The following SLC6A6 variants were observed in gnomAD, a reference collection of about 807,000 sequenced individuals.
The protein encoded by SLC6A6 is sodium- and chloride-dependent taurine transporter.
A neutral mutation model predicts 68.8 loss-of-function variants in SLC6A6; 16 were observed. The ratio of observed to expected loss-of-function variants is 0.23; its 90% CI spans 0.16 to 0.35. The LOEUF (loss-of-function observed/expected upper bound fraction) is 0.35, where lower values mean the gene tolerates loss of function less well. Among genes scored for constraint, SLC6A6 ranks in the 10% least tolerant of loss-of-function variants. The pLI, the probability that SLC6A6 is intolerant of heterozygous loss-of-function variation, is 1.00. For synonymous variants in SLC6A6, 312 were observed against 315.4 expected, an observed-to-expected ratio of 0.99 and a Z score of 0.12; for missense variants, 474 against 802.8, an observed-to-expected ratio of 0.59 and a Z score of 4.95.
At position 14,447,799 on chromosome 3, in the gene SLC6A6, T is replaced by A. The variant is rs1445791189; in HGVS notation, c.582T>A (p.Pro194=). The change falls in exon 5 of 15, where the codon CCT becomes CCA. Residue 194 remains proline, a synonymous_variant. Transcript: ENST00000622186. The part of the protein sequence containing the change: ...ITISSTNFTS[P]VIEFWERNVL... ...TCAGCTCCACCAACTTCACCTCCCC[T>A]GTCATCGAGTTCTGGGAGTAAGGCC... is the stretch of plus-strand genomic sequence containing the variant. 1 of 1,614,160 alleles carries A rather than the reference T, an allele frequency of 6.2e-7. No individual in the cohort carries two copies. The highest frequency in any genetic ancestry group is 1.7e-5 in the Admixed American group (1 of 60,020).
chr3:14,428,702 G>A (rs1168922680), intron 2 of SLC6A6, among the ~76,000 whole-genome samples: 2 of 152,188 alleles, frequency 1.3e-5, no homozygotes, highest in African/African-American at 4.8e-5. Flanking sequence ...TCTCCTGAGA[G>A]CAGTTCTGAA....
chr3:14,469,311 G>A (rs1031713850), intron 9 of SLC6A6, among the ~76,000 whole-genome samples: 8 of 152,090 alleles, frequency 5.3e-5, no homozygotes, highest in African/African-American at 1.9e-4. Context: ...CCAAGCCGAA[G>A]GGAGAGCGTG....
intron 5 of SLC6A6, among the ~76,000 whole-genome samples, chr3:14,449,058 T>A (rs539582333): frequency 6.6e-6 from 1 of 152,334 alleles, no homozygotes; most frequent in East Asian, 1.9e-4. Flanking sequence ...TTTCAAGGTG[T>A]TTACCCACCT....
intron 5 of SLC6A6, among the ~76,000 whole-genome samples, chr3:14,453,275 G>T (rs1026812771): frequency 1.2e-4 from 19 of 152,170 alleles, no homozygotes; most frequent in African/African-American, 4.1e-4. Flanking sequence ...GTTCTTTTTT[G>T]GATCCCACCC....
Position 14,445,250 on chromosome 3 carries a change from G to A in SLC6A6, c.230-467G>A, listed in dbSNP as rs575855799. On this transcript the variant is annotated intron_variant, in intron 3 of 14. Coordinates refer to ENST00000622186, the MANE Select transcript of SLC6A6 (RefSeq NM_003043.6). Reference sequence around the variant, plus strand: ...ATCCTGACTAACATGGTGAAACCCTGTCTCTACTAAAAAACAAAAAATTAG... The same window carrying A: ...ATCCTGACTAACATGGTGAAACCCTATCTCTACTAAAAAACAAAAAATTAG... Among the ~76,000 whole-genome samples the A allele has an allele frequency of 5.0e-5, 6 of 118,894 alleles. No individual in the cohort carries two copies. The East Asian group carries it at 1.2e-3, about 24-fold the overall frequency. 78.0% of individuals were successfully genotyped at this position (118,894 alleles called of 152,430 possible). A position where few individuals can be genotyped will look rare whatever the true frequency, so the allele number is the denominator to read the frequency against.
intron 2 of SLC6A6, among the ~76,000 whole-genome samples, chr3:14,418,982 G>A (rs1699427034): frequency 6.6e-6 from 1 of 152,190 alleles, no homozygotes; most frequent in South Asian, 2.1e-4. Flanking sequence ...AGTAGTCAAA[G>A]CACCTGGGAA....
intron 5 of SLC6A6, among the ~76,000 whole-genome samples, chr3:14,455,956 G>A (rs1249758507): frequency 6.6e-6 from 1 of 152,208 alleles, no homozygotes; most frequent in Non-Finnish European, 1.5e-5. Context: ...TGAAGAGATT[G>A]TTAAAATTTA....
At chr3:14,419,043 G>C (rs1051712289) in intron 2 of SLC6A6, among the ~76,000 whole-genome samples, 10 of 152,232 alleles carry the variant, frequency 6.6e-5, no homozygotes, top group African/African-American at 1.9e-4. Context: ...CTTCCAGATA[G>C]AGTCTTGTGC....
Position 14,450,594 on chromosome 3 carries a change from T to C in SLC6A6, c.599+2778T>C, listed in dbSNP as rs1700231796. ...ATTCACAAATAAGCTGCCCTCTTTC[T>C]AGAACCCTGGGGAAGATTGAGGGCC... is the stretch of plus-strand genomic sequence containing the variant. On this transcript the variant is annotated intron_variant, in intron 5 of 14. Transcript: ENST00000622186. The surrounding 1 kb of genome is among the most constrained non-coding windows in gnomAD (Gnocchi z 4.1). Among the ~76,000 whole-genome samples, 1 of 152,122 alleles carries C rather than the reference T, an allele frequency of 6.6e-6. No homozygotes were observed.
intron 2 of SLC6A6, among the ~76,000 whole-genome samples, chr3:14,442,498 G>A (rs1357247501): frequency 1.3e-5 from 2 of 152,214 alleles, no homozygotes; most frequent in African/African-American, 4.8e-5. Context: ...TCACGCTGTG[G>A]GCTAGAAATC....
intron 2 of SLC6A6, among the ~76,000 whole-genome samples, chr3:14,422,085 T>C (rs1193574618): frequency 6.6e-6 from 1 of 152,140 alleles, no homozygotes; most frequent in African/African-American, 2.4e-5. Flanking sequence ...CTGGAAGGCA[T>C]TTCCATCTGT....
chr3:14,421,658 C>T (rs563465895), intron 2 of SLC6A6, among the ~76,000 whole-genome samples: 2 of 152,366 alleles, frequency 1.3e-5, no homozygotes, highest in African/African-American at 4.8e-5. Flanking sequence ...CTGCAGCCCT[C>T]TACAGTTTGC....
At position 14,466,519 on chromosome 3, in the gene SLC6A6, G is replaced by A. The variant is rs1375781532; in HGVS notation, c.736G>A (p.Val246Ile). The A allele has an allele frequency of 3.1e-6, 5 of 1,610,894 alleles. No individual in the cohort carries two copies. Among genetic ancestry groups the A allele is most frequent in the Non-Finnish European group, 4.2e-6 (5 of 1,178,046 alleles). The change falls in exon 7 of 15, where the codon GTC becomes ATC. Residue 246 changes from valine (V) to isoleucine (I), a missense_variant. Val to Ile is a conservative substitution (Grantham distance 29). This residue lies in a region of SLC6A6 where 280 missense variants were observed against 533.1 expected (regional missense o/e 0.53). Coordinates refer to ENST00000622186, the MANE Select transcript of SLC6A6 (RefSeq NM_003043.6). ...TGAATCCCTCTCGCCCTTGCAGGTC[G>A]TCTACTTCACAGCCACTTTTCCATT... Reference protein sequence around the residue: ...WKGVRSTGKVVYFTATFPFAM... With the variant: ...WKGVRSTGKVIYFTATFPFAM...
intron 6 of SLC6A6, among the ~76,000 whole-genome samples, chr3:14,464,538 G>C (rs1334275271): frequency 6.6e-6 from 1 of 152,226 alleles, no homozygotes; most frequent in Non-Finnish European, 1.5e-5. Flanking sequence ...GCTGAGCTAA[G>C]CAGGCCCTGA....
intron 2 of SLC6A6, among the ~76,000 whole-genome samples, chr3:14,417,527 C>T (rs544792605): frequency 6.6e-5 from 10 of 152,080 alleles, no homozygotes; most frequent in East Asian, 1.9e-4. Flanking sequence ...GTCAGGAGAT[C>T]GAGACCATCC....
intron 1 of SLC6A6, among the ~76,000 whole-genome samples, chr3:14,409,301 A>G (rs147558697): frequency 0.011 from 1,624 of 152,360 alleles, 17 homozygotes; most frequent in African/African-American, 0.026. Context: ...CTGCCAGCTC[A>G]GTAAATGAAA....
chr3:14,414,110 C>T (rs879304247), intron 1 of SLC6A6, among the ~76,000 whole-genome samples: 42 of 152,140 alleles, frequency 2.8e-4, no homozygotes, highest in Non-Finnish European at 1.2e-4. Flanking sequence ...AAGATGTCAT[C>T]GGGACTCAGT....
chr3:14,460,155 A>G (rs961102230), intron 6 of SLC6A6, among the ~76,000 whole-genome samples: 1 of 151,854 alleles, frequency 6.6e-6, no homozygotes, highest in Non-Finnish European at 1.5e-5. Flanking sequence ...TTACTTACGC[A>G]CTAGTATTTT....
chr3:14,452,642 T>TAC (rs149363127), intron 5 of SLC6A6, among the ~76,000 whole-genome samples: 6,916 of 152,230 alleles, frequency 0.045, 528 homozygotes, highest in African/African-American at 0.16. Flanking sequence ...CTGGACCCCC[T>TAC]ACACCCACCC....
Sources: allele counts gnomAD v4.1 joint callset (sites outside exome capture counted in the v4.1 genomes callset), GRCh38; gene constraint gnomAD v4.1.1; regional missense constraint gnomAD v4.1.1; non-coding constraint Gnocchi (gnomAD v3.1); transcripts MANE v1.5; gene names NCBI Gene and HGNC (gene_info 2026-07-23, HGNC 2026-07-21).